ARMC8: variants seen among roughly 807,000 people sequenced by gnomAD.
ARMC8 encodes armadillo repeat containing 8, also known as armadillo repeat-containing protein 8.
In ARMC8, 20 loss-of-function variants were observed where a neutral mutation model predicts 99.3. The observed-to-expected ratio is 0.20, with a 90% CI of 0.14 to 0.29. The LOEUF is 0.29. Among genes scored for constraint, ARMC8 ranks in the 10% least tolerant of loss-of-function variants. The pLI, the probability that ARMC8 is intolerant of heterozygous loss-of-function variation, is 1.00. For missense variants in ARMC8, 569 were observed against 809.5 expected (o/e 0.70, Z 3.60); for synonymous variants, 263 against 278.3 (o/e 0.95, Z 0.55).
At chr3:138,292,544 C>T (rs527292844) in intron 21 of ARMC8, among the ~76,000 whole-genome samples, 34 of 152,270 alleles carry the variant, frequency 2.2e-4, no homozygotes, top group Admixed American at 7.2e-4. Context: ...CTCACAGATT[C>T]AGTACAGGAT....
chr3:138,264,412 C>CTTTT (rs11298899), intron 14 of ARMC8, among the ~76,000 whole-genome samples, 200 bp downstream of exon 14: 162 of 48,608 alleles, frequency 3.3e-3, no homozygotes, highest in African/African-American at 6.9e-3. Context: ...GATTTTCTTT[C>CTTTT]TTTTTTTTTT....
intron 12 of ARMC8, chr3:138,262,683 T>TAA (rs111720907): frequency 4.6e-5 from 48 of 1,052,596 alleles, no homozygotes; most frequent in African/African-American, 4.0e-4. Flanking sequence ...GACATAGGAT[T>TAA]AAAAAAAAAA....
At chr3:138,197,534 T>G (rs891640572) in intron 1 of ARMC8, among the ~76,000 whole-genome samples, 4 of 152,310 alleles carry the variant, frequency 2.6e-5, no homozygotes, top group East Asian at 3.9e-4. Context: ...CACTTTGTTA[T>G]GTGAGGATTG....
At chr3:138,234,244 TG>T (rs1195443489) in intron 6 of ARMC8, among the ~76,000 whole-genome samples, 1 of 152,114 alleles carries the variant, frequency 6.6e-6, no homozygotes, top group Non-Finnish European at 1.5e-5. Flanking sequence ...CCGGAGTAGC[TG>T]GGGCTACAGG....
intron 18 of ARMC8, among the ~76,000 whole-genome samples, chr3:138,282,160 T>C (rs1051975534): frequency 1.3e-5 from 2 of 152,202 alleles, no homozygotes; most frequent in Admixed American, 6.5e-5. Context: ...TTGGTGAGGA[T>C]TGGATCACTA....
intron 12 of ARMC8, chr3:138,262,597 T>TAAAA: frequency 2.9e-6 from 4 of 1,380,872 alleles, no homozygotes; most frequent in Non-Finnish European, 3.9e-6. Context: ...CTGAGGAGAT[T>TAAAA]AAAAAAAAAA....
chr3:138,215,277 C>T (rs1404899920), intron 2 of ARMC8, among the ~76,000 whole-genome samples: 1 of 151,838 alleles, frequency 6.6e-6, no homozygotes, highest in Admixed American at 6.6e-5. Context: ...AGTGCAATGG[C>T]GTGGTCTGGG....
chr3:138,252,610 C>T (rs368914070), intron 12 of ARMC8, among the ~76,000 whole-genome samples: 4 of 151,814 alleles, frequency 2.6e-5, no homozygotes, highest in South Asian at 2.1e-4. Context: ...CCCGCCACCA[C>T]GCCTGGCTAA....
At chr3:138,209,034 A>G (rs773615632) in intron 1 of ARMC8, among the ~76,000 whole-genome samples, 3 of 152,202 alleles carry the variant, frequency 2.0e-5, no homozygotes, top group South Asian at 4.1e-4. Context: ...GCCTCCAGCA[A>G]TGAAGCTTCT....
intron 13 of ARMC8, 101 bp from the exon 14 acceptor site, chr3:138,264,030 A>G (rs912549490): frequency 1.3e-5 from 14 of 1,102,804 alleles, no homozygotes; most frequent in Non-Finnish European, 1.8e-5. Context: ...CAATGTAGAT[A>G]TGCTTGAAGT....
intron 1 of ARMC8, among the ~76,000 whole-genome samples, chr3:138,200,602 A>G (rs114039928): frequency 0.022 from 3,384 of 152,082 alleles, 136 homozygotes; most frequent in African/African-American, 0.078. Context: ...ATTTGCTGTC[A>G]TTGTGACAGC....
Position 138,187,576 on chromosome 3 carries a change from C to A in ARMC8, c.22C>A (p.Pro8Thr), listed in dbSNP as rs946808541. The change falls in exon 1 of 22, where the codon CCA becomes ACA. Residue 8 changes from proline (P) to threonine (T), a missense_variant. Transcript: ENST00000469044. Reference sequence around the variant, plus strand: ...CAAGATGGCGTGCTTGTTGGAGACCCCAATCCGCATGAGCGTCCTTTCGGT... The same window carrying A: ...CAAGATGGCGTGCTTGTTGGAGACCACAATCCGCATGAGCGTCCTTTCGGT... MACLLET[P>T]IRMSVLSEVT... is the part of the protein sequence containing the mutation. The A allele has an allele frequency of 2.0e-6, 3 of 1,535,856 alleles. No homozygotes were observed. The highest frequency in any genetic ancestry group is 3.9e-5 in the Admixed American group (2 of 51,002).
intron 1 of ARMC8, among the ~76,000 whole-genome samples, chr3:138,207,045 C>T (rs559468984): frequency 1.3e-5 from 2 of 152,346 alleles, no homozygotes; most frequent in Non-Finnish European, 2.9e-5. Context: ...TGCGGTGCCT[C>T]TCTATCCTCT....
intron 12 of ARMC8, among the ~76,000 whole-genome samples, chr3:138,254,145 T>C (rs2047269390): frequency 6.6e-6 from 1 of 152,206 alleles, no homozygotes; most frequent in Non-Finnish European, 1.5e-5. Flanking sequence ...AGTATCCAGA[T>C]TATGTATCAA....
rs545371110 is a variant in ARMC8, at chr3:138,197,869, G to A, written c.45+10270G>A. Among the ~76,000 whole-genome samples the A allele has an allele frequency of 2.6e-5, 4 of 152,334 alleles. No individual in the cohort carries two copies. In the South Asian group the frequency reaches 8.3e-4, roughly 32 times the overall value. ...GAGAAGAAACCTTAAAGATCTTCTA[G>A]AGCCAGATAGCTCTTTATGATTTAT... On this transcript the variant is annotated intron_variant, in intron 1 of 21. Coordinates refer to ENST00000469044, the MANE Select transcript of ARMC8 (RefSeq NM_001363941.2).
intron 9 of ARMC8, 97 bp from the exon 10 acceptor site, chr3:138,239,371 G>T: frequency 1.2e-6 from 1 of 836,288 alleles, no homozygotes; most frequent in South Asian, 1.7e-5. Flanking sequence ...GATATTATTT[G>T]GTTTTCGATT....
intron 11 of ARMC8, among the ~76,000 whole-genome samples, chr3:138,242,382 T>G (rs1420595503): frequency 6.6e-6 from 1 of 152,226 alleles, no homozygotes; most frequent in Non-Finnish European, 1.5e-5. Context: ...CATGTTACTT[T>G]CCACCACAGT....
intron 2 of ARMC8, among the ~76,000 whole-genome samples, chr3:138,217,644 A>G (rs2045143088): frequency 6.6e-6 from 1 of 152,200 alleles, no homozygotes; most frequent in Non-Finnish European, 1.5e-5. Context: ...ATTAGCATGC[A>G]AATTTAAGAT....
intron 2 of ARMC8, among the ~76,000 whole-genome samples, chr3:138,210,955 T>C (rs1479777419): frequency 6.6e-6 from 1 of 152,158 alleles, no homozygotes; most frequent in East Asian, 1.9e-4. Flanking sequence ...TTGACGCTTA[T>C]TTTCACGGCT....
Sources: allele counts gnomAD v4.1 joint callset (sites outside exome capture counted in the v4.1 genomes callset), GRCh38; gene constraint gnomAD v4.1.1; transcripts MANE v1.5; gene names NCBI Gene and HGNC (gene_info 2026-07-23, HGNC 2026-07-21).